Variants in ZFHX3 observed in about 807,000 individuals in gnomAD.
ZFHX3 encodes zinc finger homeobox protein 3.
In ZFHX3, 42 loss-of-function variants were observed where a neutral mutation model predicts 279.1. The ratio of observed to expected loss-of-function variants is 0.15; its 90% CI spans 0.12 to 0.19. The LOEUF (loss-of-function observed/expected upper bound fraction) is 0.19. Ranked by LOEUF, ZFHX3 falls within the 10% of genes least tolerant of loss-of-function variation. The probability of loss-of-function intolerance (pLI) is 1.00; values close to 1 mark genes in which losing one functional copy is unlikely to be tolerated. For missense variants in ZFHX3, 4,981 were observed against 4,754.0 expected, an observed-to-expected ratio of 1.05 and a Z score of -1.40; for synonymous variants, 2,293 against 1,957.8, an observed-to-expected ratio of 1.17 and a Z score of -4.52.
chr16:72,844,384 G>C (rs2037424370), intron 4 of ZFHX3, among the ~76,000 whole-genome samples: 1 of 152,158 alleles, frequency 6.6e-6, no homozygotes, highest in Non-Finnish European at 1.5e-5. Flanking sequence ...GCTGAGGTCA[G>C]AGGGTGTCAA....
Position 73,525,301 on chromosome 16 carries a change from AG to A in ZFHX3, c.-1546-69044del, listed in dbSNP as rs1267098823. Among the ~76,000 whole-genome samples, 5 of 152,326 alleles carry A rather than the reference AG, an allele frequency of 3.3e-5. No individual in the cohort carries two copies. In the East Asian group the frequency reaches 9.7e-4, roughly 29 times the overall value. Reference sequence around the variant, plus strand: ...CAAAGTCACGCCACTGTATTTATAAAGCTTTCCACACAAAATCCAGTAACAT... The same window carrying A: ...CAAAGTCACGCCACTGTATTTATAAACTTTCCACACAAAATCCAGTAACAT... On this transcript the variant is annotated intron_variant, in intron 2 of 17. Transcript: ENST00000641206.
chr16:73,285,187 A>G (rs189915294), intron 4 of ZFHX3, among the ~76,000 whole-genome samples: 17 of 152,254 alleles, frequency 1.1e-4, no homozygotes, highest in African/African-American at 3.9e-4. Context: ...TCTCTTTGCT[A>G]GTTTTGGTTG....
chr16:73,456,030 C>T (rs2018365406), exon 3 of ZFHX3: 1 of 152,126 alleles, frequency 6.6e-6, no homozygotes, highest in South Asian at 2.1e-4. Context: ...TCAGACTCCT[C>T]CAGTCCTGGA....
chr16:73,552,779 T>C lies in ZFHX3; in HGVS notation c.-1546-96521A>G, dbSNP rs1259027908. ...TGTCATGCTGCATTTATATTGCTTTTTATGTATTAAAAAAACCTTAGATTT... is the reference window on the plus strand; with the variant it reads ...TGTCATGCTGCATTTATATTGCTTTCTATGTATTAAAAAAACCTTAGATTT... On this transcript the variant is annotated intron_variant, in intron 2 of 17. Coordinates refer to the ZFHX3 transcript ENST00000641206. Among the ~76,000 whole-genome samples the C allele has an allele frequency of 3.5e-4, 54 of 152,206 alleles. 1 individual carries two copies. The highest frequency in any genetic ancestry group is 1.5e-5 in the Non-Finnish European group (1 of 68,044).
chr16:73,729,553 CCAAA>C (rs2053551221), intron 1 of ZFHX3, among the ~76,000 whole-genome samples: 1 of 31,218 alleles, frequency 3.2e-5, no homozygotes, highest in Admixed American at 4.3e-4. Context: ...AACAAACAAA[CCAAA>C]AAAAAAAAAA....
intron 5 of ZFHX3, among the ~76,000 whole-genome samples, chr16:73,184,914 G>A (rs1464042353): frequency 6.6e-6 from 1 of 152,160 alleles, no homozygotes; most frequent in African/African-American, 2.4e-5. Context: ...GTAGGAACCA[G>A]GCTGGTGAGA....
At chr16:72,790,763 T>G in intron 9 of ZFHX3, 1 of 152,240 alleles carries the variant, frequency 6.6e-6, no homozygotes, top group South Asian at 2.1e-4. Context: ...AGTTCTAAAC[T>G]TGGGACATGG....
chr16:73,198,266 C>A (rs1206862241), intron 5 of ZFHX3, among the ~76,000 whole-genome samples: 1 of 151,628 alleles, frequency 6.6e-6, no homozygotes, highest in Non-Finnish European at 1.5e-5. Flanking sequence ...AATCATGTCA[C>A]CGTTATCACA....
chr16:72,977,280 G>A (rs1395837149), intron 1 of ZFHX3, among the ~76,000 whole-genome samples: 2 of 152,028 alleles, frequency 1.3e-5, no homozygotes, highest in Non-Finnish European at 2.9e-5. Flanking sequence ...GGTTCCAGAC[G>A]CAGCGTCTGG....
chr16:73,582,464 C>A (rs1323990864), intron 2 of ZFHX3, among the ~76,000 whole-genome samples: 1 of 151,748 alleles, frequency 6.6e-6, no homozygotes, highest in African/African-American at 2.4e-5. Flanking sequence ...AAGCCTAAAT[C>A]TAATGATAAC....
At chr16:72,969,224 G>GACA (rs1961990963) in intron 1 of ZFHX3, among the ~76,000 whole-genome samples, 1 of 152,060 alleles carries the variant, frequency 6.6e-6, no homozygotes, top group African/African-American at 2.4e-5. Context: ...TTCAAAAAAG[G>GACA]AAGTGGCTGT....
chr16:73,036,149 CTG>C (rs1185254577), intron 1 of ZFHX3, among the ~76,000 whole-genome samples: 4 of 151,940 alleles, frequency 2.6e-5, no homozygotes, highest in African/African-American at 7.2e-5. Flanking sequence ...CTCTCTCTCT[CTG>C]TCTCTCTCTC....
At chr16:73,845,133 C>A (rs185206668) in intron 1 of ZFHX3, among the ~76,000 whole-genome samples, 1 of 152,206 alleles carries the variant, frequency 6.6e-6, no homozygotes, top group Admixed American at 6.5e-5. Context: ...AGTTTGAAGT[C>A]ATTTTGAAAT....
intron 2 of ZFHX3, among the ~76,000 whole-genome samples, chr16:73,579,356 G>C (rs1041140866): frequency 1.3e-5 from 2 of 152,178 alleles, no homozygotes; most frequent in Admixed American, 1.3e-4. Context: ...AGGACCTCCT[G>C]AGGCTGTGTC....
chr16:73,663,332 T>C (rs2052804236), intron 2 of ZFHX3, among the ~76,000 whole-genome samples: 1 of 152,204 alleles, frequency 6.6e-6, no homozygotes, highest in Non-Finnish European at 1.5e-5. Context: ...GGTAGCCCTT[T>C]AGCAGGTCAC....
chr16:72,876,317 G>A (rs1385104094), intron 4 of ZFHX3, among the ~76,000 whole-genome samples: 1 of 152,114 alleles, frequency 6.6e-6, no homozygotes, highest in Non-Finnish European at 1.5e-5. Flanking sequence ...GAAACATGAT[G>A]GAATAAGCCC....
At chr16:73,039,652 C>A (rs1965041154) in intron 1 of ZFHX3, among the ~76,000 whole-genome samples, 1 of 152,062 alleles carries the variant, frequency 6.6e-6, no homozygotes, top group African/African-American at 2.4e-5. Context: ...TGCCAACACA[C>A]AACCAGGAAG....
intron 4 of ZFHX3, among the ~76,000 whole-genome samples, chr16:73,297,338 G>A (rs973249296): frequency 3.3e-5 from 5 of 152,082 alleles, no homozygotes; most frequent in East Asian, 3.9e-4. Context: ...TTATGTTCCT[G>A]GTGCTGTAGC....
intron 5 of ZFHX3, among the ~76,000 whole-genome samples, chr16:73,254,478 C>G (rs1045869198): frequency 6.6e-6 from 1 of 151,768 alleles, no homozygotes; most frequent in African/African-American, 2.4e-5. Context: ...TGAGGTGTGA[C>G]TACAAAGATG....
Sources: gnomAD v4.1 joint callset for allele counts (sites outside exome capture counted in the v4.1 genomes callset) on GRCh38, gnomAD v4.1.1 for gene constraint, MANE v1.5 for transcripts, NCBI Gene and HGNC (gene_info 2026-07-23, HGNC 2026-07-21) for gene names.